TENM2: variants seen among roughly 807,000 people sequenced by gnomAD.
The protein encoded by TENM2 is teneurin-2.
Under a neutral mutation model 245.2 loss-of-function variants are expected in TENM2, and 52 were observed. The ratio of observed to expected loss-of-function variants is 0.21; its 90% CI spans 0.17 to 0.27. The LOEUF (loss-of-function observed/expected upper bound fraction) is 0.27. Ranked by LOEUF, TENM2 falls within the 10% of genes least tolerant of loss-of-function variation. The pLI is 1.00. For missense variants in TENM2, 3,046 were observed against 3,666.8 expected (o/e 0.83, Z 4.37); for synonymous variants, 1,363 against 1,438.9 (o/e 0.95, Z 1.19).
chr5:168,087,734 C>T (rs1200022962), intron 7 of TENM2, among the ~76,000 whole-genome samples: 1 of 152,116 alleles, frequency 6.6e-6, no homozygotes, highest in Admixed American at 6.5e-5. Context: ...AAACCCCTGT[C>T]TTCCTGGAGT....
At chr5:167,727,104 CTTTTTTT>C (rs1227700479) in intron 2 of TENM2, among the ~76,000 whole-genome samples, 5 of 96,122 alleles carry the variant, frequency 5.2e-5, no homozygotes, top group South Asian at 4.0e-4. Context: ...CCATTAATTT[CTTTTTTT>C]TTTTTTTTTT....
At chr5:167,700,149 G>C (rs1192890120) in intron 2 of TENM2, among the ~76,000 whole-genome samples, 2 of 152,144 alleles carry the variant, frequency 1.3e-5, no homozygotes, top group African/African-American at 2.4e-5. Context: ...GGCTTAAAGA[G>C]TACCTGACTC....
chr5:167,774,162 G>GAGGA (rs780599062), intron 2 of TENM2, among the ~76,000 whole-genome samples: 14 of 124,106 alleles, frequency 1.1e-4, no homozygotes, highest in African/African-American at 3.4e-4. Context: ...GGGAGGGAGG[G>GAGGA]AGGAAGGAAG....
chr5:167,219,312 CAAA>C, the TENM2 span, among the ~76,000 whole-genome samples: 1 of 148,490 alleles, frequency 6.7e-6, no homozygotes, highest in African/African-American at 2.6e-5. Flanking sequence ...AACAAACAAA[CAAA>C]CAAACAAACA....
At chr5:167,646,200 CATATATATATATAT>C (rs61476810) in intron 2 of TENM2, among the ~76,000 whole-genome samples, 6 of 63,440 alleles carry the variant, frequency 9.5e-5, no homozygotes, top group African/African-American at 2.1e-4. Flanking sequence ...ATGTTGTTTT[CATATATATATATAT>C]ATATATATAT....
intron 2 of TENM2, among the ~76,000 whole-genome samples, chr5:167,459,012 A>G (rs1407822191): frequency 1.3e-5 from 2 of 152,166 alleles, no homozygotes; most frequent in African/African-American, 4.8e-5. Context: ...CATAAAATCT[A>G]CCATCTTAAC....
chr5:167,067,651 T>C, the TENM2 span, among the ~76,000 whole-genome samples: 1 of 152,220 alleles, frequency 6.6e-6, no homozygotes, highest in East Asian at 1.9e-4. Flanking sequence ...ATCTTGTCAT[T>C]ACTCTTTGGC....
intron 2 of TENM2, among the ~76,000 whole-genome samples, chr5:167,832,833 G>A (rs10866613): frequency 0.92 from 140,788 of 152,230 alleles, 66,108 homozygotes; most frequent in East Asian, 1. Flanking sequence ...TGTGCAATAC[G>A]TCTTCTCAAT....
intron 2 of TENM2, among the ~76,000 whole-genome samples, chr5:167,667,609 A>C (rs1417166466): frequency 6.6e-6 from 1 of 152,194 alleles, no homozygotes; most frequent in African/African-American, 2.4e-5. Context: ...TTGGCCAGGA[A>C]AGAAGGAGGG....
intron 2 of TENM2, among the ~76,000 whole-genome samples, chr5:167,769,116 T>C (rs1379630013): frequency 1.3e-5 from 2 of 152,242 alleles, no homozygotes; most frequent in Non-Finnish European, 2.9e-5. Flanking sequence ...TTTTATACTC[T>C]GTTTAGTTTT....
At position 167,718,620 on chromosome 5, in the gene TENM2, A is replaced by G. The variant is rs113604053; in HGVS notation, c.503-157366A>G. ...CAGGTTAAGTGAGTCTTGATATCTG[A>G]ATTATTTTATCCATTGTATAGTGGA... On this transcript the variant is annotated intron_variant, in intron 2 of 28. Coordinates refer to ENST00000518659, the Ensembl canonical transcript of TENM2. Among the ~76,000 whole-genome samples, 218 of 152,324 alleles carry G rather than the reference A, an allele frequency of 1.4e-3. 1 individual carries two copies. The highest frequency in any genetic ancestry group is 5.1e-3 in the African/African-American group (210 of 41,580).
chr5:167,995,914 G>A (rs1016110936), intron 5 of TENM2, among the ~76,000 whole-genome samples: 5 of 152,068 alleles, frequency 3.3e-5, no homozygotes, highest in Non-Finnish European at 5.9e-5. Context: ...CATGAAAACC[G>A]AGGCCCTCCT....
chr5:167,112,740 A>G, the TENM2 span, among the ~76,000 whole-genome samples: 1 of 152,230 alleles, frequency 6.6e-6, no homozygotes, highest in African/African-American at 2.4e-5. Flanking sequence ...ACGAATTGAC[A>G]GTGTTCCAAT....
chr5:167,903,784 G>T (rs1775889536), intron 3 of TENM2, among the ~76,000 whole-genome samples: 1 of 152,156 alleles, frequency 6.6e-6, no homozygotes, highest in Non-Finnish European at 1.5e-5. Flanking sequence ...TCTGAATTTT[G>T]ATTATCAAGT....
At chr5:167,775,697 A>T (rs1187925547) in intron 2 of TENM2, among the ~76,000 whole-genome samples, 2 of 152,182 alleles carry the variant, frequency 1.3e-5, no homozygotes, top group East Asian at 3.9e-4. Flanking sequence ...TTAAAAAAAA[A>T]ATAAACAAGA....
At chr5:167,608,670 C>T (rs1004424497) in intron 2 of TENM2, among the ~76,000 whole-genome samples, 6 of 152,188 alleles carry the variant, frequency 3.9e-5, no homozygotes, top group Non-Finnish European at 8.8e-5. Context: ...TTAGTAAGAG[C>T]GCTACCTGTC....
the TENM2 span, among the ~76,000 whole-genome samples, chr5:167,160,914 A>G: frequency 6.6e-6 from 1 of 152,176 alleles, no homozygotes; most frequent in Admixed American, 6.5e-5. Flanking sequence ...AACTTGCCCA[A>G]AGTCACACAG....
At position 168,007,132 on chromosome 5, in the gene TENM2, C is replaced by CTT. The variant is rs72126954; in HGVS notation, c.1186+13961_1186+13962dup. On this transcript the variant is annotated intron_variant, in intron 5 of 28. Transcript: ENST00000518659. ...GTACTCCAGGCCTTCCTTTTTCTTT[C>CTT]TTTTTTTTTTTTGAGACGTAGTCTC... is the stretch of plus-strand genomic sequence containing the variant. Among the ~76,000 whole-genome samples the CTT allele has an allele frequency of 4.1e-3, 597 of 146,860 alleles. 5 individuals are homozygous for CTT. Among genetic ancestry groups the CTT allele is most frequent in the African/African-American group, 0.012 (501 of 40,292 alleles).
chr5:167,474,254 AAC>A (rs1224997725), intron 2 of TENM2, among the ~76,000 whole-genome samples: 23 of 152,174 alleles, frequency 1.5e-4, no homozygotes, highest in Non-Finnish European at 3.2e-4. Flanking sequence ...CTCAAACTGT[AAC>A]ACAAATTTAA....
Sources: allele counts gnomAD v4.1 joint callset (sites outside exome capture counted in the v4.1 genomes callset), GRCh38; gene constraint gnomAD v4.1.1; transcripts MANE v1.5; gene names NCBI Gene and HGNC (gene_info 2026-07-23, HGNC 2026-07-21).